Variants in VPS13B observed in about 807,000 individuals in gnomAD.
The protein encoded by VPS13B is intermembrane lipid transfer protein VPS13B.
In VPS13B, 285 loss-of-function variants were observed where a neutral mutation model predicts 426.4. That is an observed-to-expected ratio of 0.67 (90% confidence interval 0.61 to 0.74). VPS13B has a LOEUF of 0.74. VPS13B is among the 30% of genes least tolerant of loss of function. The probability of loss-of-function intolerance (pLI) is 0.00; values close to 1 mark genes in which losing one functional copy is unlikely to be tolerated. For synonymous variants in VPS13B, 1,676 were observed against 1,676.4 expected, an observed-to-expected ratio of 1.00 and a Z score of 0.01; for missense variants, 4,537 against 4,782.6, an observed-to-expected ratio of 0.95 and a Z score of 1.51.
At chr8:99,041,022 AAG>A (rs969680135) in intron 3 of VPS13B, among the ~76,000 whole-genome samples, 6 of 152,190 alleles carry the variant, frequency 3.9e-5, no homozygotes, top group African/African-American at 1.2e-4. Context: ...CACTTAGAAA[AAG>A]AGATTCATAA....
chr8:99,256,769 C>T (rs1817764199), intron 17 of VPS13B, among the ~76,000 whole-genome samples: 1 of 152,030 alleles, frequency 6.6e-6, no homozygotes, highest in Non-Finnish European at 1.5e-5. Flanking sequence ...TAGAGATTAT[C>T]TATGTATTCT....
intron 33 of VPS13B, among the ~76,000 whole-genome samples, chr8:99,605,253 GGTAGTTAAGAAAAA>G (rs1381059167): frequency 6.6e-6 from 1 of 152,172 alleles, no homozygotes; most frequent in Non-Finnish European, 1.5e-5. Flanking sequence ...GGAGCAACTA[GGTAGTTAAGAAAAA>G]GTAGCACAGA....
At chr8:99,431,442 A>G in intron 21 of VPS13B, 95 bp from the exon 22 acceptor site, 1 of 1,447,246 alleles carries the variant, frequency 6.9e-7, no homozygotes. Flanking sequence ...TATAATTTTA[A>G]GCAAGGAAAG....
chr8:99,014,049 T>A (rs1316350757), intron 2 of VPS13B, 114 bp downstream of exon 2: 1 of 1,304,216 alleles, frequency 7.7e-7, no homozygotes, highest in Non-Finnish European at 1.1e-6. Context: ...TCTACTGATG[T>A]ATTTTGAGCT....
At chr8:99,379,194 C>T (rs1056604316) in intron 19 of VPS13B, among the ~76,000 whole-genome samples, 1 of 152,092 alleles carries the variant, frequency 6.6e-6, no homozygotes, top group African/African-American at 2.4e-5. Flanking sequence ...GAAACCATTC[C>T]TCCACCCCCC....
At chr8:99,380,931 G>A (rs1588312294) in intron 19 of VPS13B, among the ~76,000 whole-genome samples, 1 of 149,000 alleles carries the variant, frequency 6.7e-6, no homozygotes, top group Admixed American at 6.7e-5. Context: ...GGATACAAGT[G>A]CCTGTTTATA....
At chr8:99,164,375 C>T (rs1296049176) in intron 15 of VPS13B, among the ~76,000 whole-genome samples, 2 of 152,064 alleles carry the variant, frequency 1.3e-5, no homozygotes, top group African/African-American at 4.8e-5. Flanking sequence ...TTCCTGTAAA[C>T]GCCGGGCAGC....
At chr8:99,507,840 A>T (rs1288412636) in intron 28 of VPS13B, 1 of 1,614,086 alleles carries the variant, frequency 6.2e-7, no homozygotes, top group East Asian at 2.2e-5. Flanking sequence ...CAAGCTGAAC[A>T]GACGCACCTT....
At chr8:99,696,774 G>A (rs753518214) in intron 35 of VPS13B, 55 of 1,407,740 alleles carry the variant, frequency 3.9e-5, no homozygotes, top group Non-Finnish European at 4.9e-5. Context: ...GAAATCATGC[G>A]TTTTTCCAAA....
rs1813594443 is a variant in VPS13B, at chr8:99,809,588, T to C, written c.8097+58T>C. On this transcript the variant is annotated intron_variant, in intron 44 of 61. Transcript: ENST00000357162. ...TCTTAATTATTCAGTGTAATGGAGA[T>C]GAAAATAATTAATAATTTTTTTAAA... 2.5e-6 allele frequency: 4 copies of C among 1,600,948 alleles called. No individual in the cohort carries two copies. In the South Asian group the frequency reaches 3.3e-5, roughly 13 times the overall value.
chr8:99,753,807 T>C (rs1321854042), intron 39 of VPS13B, among the ~76,000 whole-genome samples: 1 of 152,184 alleles, frequency 6.6e-6, no homozygotes, highest in Non-Finnish European at 1.5e-5. Flanking sequence ...AAATCTGGAC[T>C]TAGAGTCTTG....
At chr8:99,812,709 A>C (rs1813781299) in intron 44 of VPS13B, among the ~76,000 whole-genome samples, 1 of 152,202 alleles carries the variant, frequency 6.6e-6, no homozygotes, top group South Asian at 2.1e-4. Context: ...AGAAACCTTT[A>C]CTACTCTAAA....
chr8:99,252,528 T>C (rs1020125928), intron 17 of VPS13B, among the ~76,000 whole-genome samples: 9 of 152,134 alleles, frequency 5.9e-5, no homozygotes, highest in African/African-American at 2.2e-4. Flanking sequence ...TCTGCTGTTC[T>C]ATAATCTAGA....
chr8:99,463,311 C>A (rs906131247), intron 23 of VPS13B, among the ~76,000 whole-genome samples: 24 of 152,256 alleles, frequency 1.6e-4, no homozygotes, highest in African/African-American at 4.3e-4. Context: ...TGTTGACAAA[C>A]AAGTCACGAT....
chr8:99,518,001 A>G (rs1438413174), intron 29 of VPS13B, among the ~76,000 whole-genome samples: 2 of 152,084 alleles, frequency 1.3e-5, no homozygotes, highest in Non-Finnish European at 2.9e-5. Context: ...AATCTAGTTT[A>G]TGAATGATCT....
chr8:99,315,969 G>C (rs1320964530), intron 19 of VPS13B, among the ~76,000 whole-genome samples: 4 of 152,140 alleles, frequency 2.6e-5, no homozygotes, highest in Admixed American at 1.3e-4. Flanking sequence ...ATAGGGGAAG[G>C]CTTTTACCTG....
At chr8:99,759,359 C>T (rs952926779) in intron 39 of VPS13B, among the ~76,000 whole-genome samples, 18 of 152,188 alleles carry the variant, frequency 1.2e-4, no homozygotes, top group Admixed American at 5.2e-4. Flanking sequence ...ATTCATTAAA[C>T]TATTCATTAA....
chr8:99,172,010 T>C (rs531051982), intron 16 of VPS13B, among the ~76,000 whole-genome samples: 4 of 152,300 alleles, frequency 2.6e-5, no homozygotes, highest in African/African-American at 7.2e-5. Context: ...GATATCCATG[T>C]ATCTATCACT....
intron 21 of VPS13B, among the ~76,000 whole-genome samples, chr8:99,428,024 C>G (rs1232784282): frequency 6.6e-6 from 1 of 152,076 alleles, no homozygotes; most frequent in Admixed American, 6.6e-5. Context: ...CTGACAAAAA[C>G]AAGAAATGGG....
Sources: allele counts gnomAD v4.1 joint callset (sites outside exome capture counted in the v4.1 genomes callset), GRCh38; gene constraint gnomAD v4.1.1; transcripts MANE v1.5; gene names NCBI Gene and HGNC (gene_info 2026-07-23, HGNC 2026-07-21).